Variants in VTI1A observed in about 807,000 individuals in gnomAD.
The protein encoded by VTI1A is vesicle transport through interaction with t-SNAREs 1A.
Under a neutral mutation model 34.9 loss-of-function variants are expected in VTI1A, and 22 were observed. The observed-to-expected ratio is 0.63, with a 90% confidence interval of 0.45 to 0.90. The LOEUF (loss-of-function observed/expected upper bound fraction) is 0.90, where lower values mean the gene tolerates loss of function less well. VTI1A is among the 40% of genes least tolerant of loss of function. VTI1A has a pLI of 0.00. For missense variants in VTI1A, 268 were observed against 275.6 expected, an observed-to-expected ratio of 0.97 and a Z score of 0.20; for synonymous variants, 87 against 97.3, an observed-to-expected ratio of 0.89 and a Z score of 0.62.
At chr10:112,734,985 A>G (rs933220547) in intron 7 of VTI1A, among the ~76,000 whole-genome samples, 2 of 152,200 alleles carry the variant, frequency 1.3e-5, no homozygotes, top group African/African-American at 2.4e-5. Flanking sequence ...AGAAAAAACC[A>G]TGGGCCTACA....
intron 7 of VTI1A, among the ~76,000 whole-genome samples, chr10:112,814,918 T>C (rs1853456337): frequency 6.6e-6 from 1 of 152,138 alleles, no homozygotes; most frequent in Non-Finnish European, 1.5e-5. Flanking sequence ...CTGCAAAAAA[T>C]GAGGCTTGTC....
In VTI1A at chr10:112,771,242, A is replaced by G. The variant is rs543616175; in HGVS notation, c.561-44048A>G. On this transcript the variant is annotated intron_variant, in intron 7 of 7. Transcript: ENST00000393077. Reference sequence around the variant, plus strand: ...AAAAGTCGTATCTACCTCAGAGAGCAGTTGGAAGAACTAAATGAGATCATT... The same window carrying G: ...AAAAGTCGTATCTACCTCAGAGAGCGGTTGGAAGAACTAAATGAGATCATT... Among the ~76,000 whole-genome samples the G allele has an allele frequency of 1.1e-4, 16 of 152,370 alleles. No individual in the cohort carries two copies. The South Asian group carries it at 1.7e-3, about 16-fold the overall frequency.
At chr10:112,595,548 G>A (rs938089739) in intron 5 of VTI1A, among the ~76,000 whole-genome samples, 1 of 152,138 alleles carries the variant, frequency 6.6e-6, no homozygotes, top group African/African-American at 2.4e-5. Flanking sequence ...GCAGCCAAAA[G>A]ACACATGAAA....
Position 112,460,525 on chromosome 10 carries a change from T to C in VTI1A, c.96T>C (p.Asp32=). 6.2e-7 allele frequency: 1 copy of C among 1,606,536 alleles called. No homozygotes were observed. The highest frequency in any genetic ancestry group is 2.2e-5 in the East Asian group (1 of 44,548). ...TCTTGGTATTATTGTTTGTTTCAGATGAAAAGAAACAGATGGTTGCAAATG... is the reference window on the plus strand; with the variant it reads ...TCTTGGTATTATTGTTTGTTTCAGACGAAAAGAAACAGATGGTTGCAAATG... ...KIARVPRLPP[D]EKKQMVANVE... The change falls in exon 2 of 8, where the codon GAT becomes GAC. Residue 32 remains aspartate (D), a splice_region_variant and synonymous_variant. Transcript: ENST00000393077.
chr10:112,542,299 C>A (rs1311106028), intron 5 of VTI1A, among the ~76,000 whole-genome samples: 1 of 152,126 alleles, frequency 6.6e-6, no homozygotes, highest in Non-Finnish European at 1.5e-5. Flanking sequence ...ACTGTCCCAC[C>A]GGTACTGTAG....
At chr10:112,673,702 G>A (rs1448126781) in intron 7 of VTI1A, among the ~76,000 whole-genome samples, 2 of 152,130 alleles carry the variant, frequency 1.3e-5, no homozygotes, top group East Asian at 1.9e-4. Context: ...AGTTAGCCTG[G>A]GGAATCATTG....
At chr10:112,698,303 C>T (rs928278719) in intron 7 of VTI1A, among the ~76,000 whole-genome samples, 7 of 152,148 alleles carry the variant, frequency 4.6e-5, no homozygotes, top group Non-Finnish European at 7.4e-5. Context: ...CTGCATCTTC[C>T]GAACACTGCA....
the VTI1A span, among the ~76,000 whole-genome samples, chr10:112,836,767 A>C: frequency 6.6e-6 from 1 of 152,122 alleles, no homozygotes; most frequent in Non-Finnish European, 1.5e-5. Flanking sequence ...GGGGGTATGG[A>C]ATCCGTGGTT....
At chr10:112,721,419 A>G (rs1374990673) in intron 7 of VTI1A, among the ~76,000 whole-genome samples, 2 of 152,256 alleles carry the variant, frequency 1.3e-5, no homozygotes, top group Non-Finnish European at 2.9e-5. Context: ...TAAGGCACCA[A>G]TAACAGAACA....
chr10:112,492,611 C>A (rs1406713758), intron 3 of VTI1A, among the ~76,000 whole-genome samples: 2 of 151,966 alleles, frequency 1.3e-5, no homozygotes, highest in Non-Finnish European at 2.9e-5. Context: ...CATGGTGAGA[C>A]CCTGTCTCTA....
intron 7 of VTI1A, among the ~76,000 whole-genome samples, chr10:112,709,681 G>GC (rs1253610103): frequency 4.2e-5 from 5 of 119,920 alleles, no homozygotes; most frequent in African/African-American, 1.9e-4. Context: ...ACTCTATGTG[G>GC]CTTTTTTTTT....
chr10:112,531,117 G>GCA (rs1850423233), intron 4 of VTI1A, among the ~76,000 whole-genome samples: 4 of 146,914 alleles, frequency 2.7e-5, no homozygotes, highest in Non-Finnish European at 6.0e-5. Flanking sequence ...GCGCACGTGC[G>GCA]CGCGCGCGCA....
chr10:112,697,587 G>A (rs1028780246), intron 7 of VTI1A, among the ~76,000 whole-genome samples: 1 of 151,634 alleles, frequency 6.6e-6, no homozygotes, highest in Non-Finnish European at 1.5e-5. Flanking sequence ...GTAGAGACAG[G>A]GTTTCTCCAT....
chr10:112,596,015 A>T (rs1164199802), intron 5 of VTI1A, among the ~76,000 whole-genome samples: 1 of 152,122 alleles, frequency 6.6e-6, no homozygotes, highest in African/African-American at 2.4e-5. Flanking sequence ...CTTTGTAGGG[A>T]CATGGATGAA....
rs7072233 is a variant in VTI1A, at chr10:112,590,037, G to A, written c.427+51707G>A. Among the ~76,000 whole-genome samples the A allele has an allele frequency of 1.3e-3, 193 of 152,174 alleles. 1 individual carries two copies. Among genetic ancestry groups the A allele is most frequent in the African/African-American group, 4.3e-3 (178 of 41,508 alleles). On this transcript the variant is annotated intron_variant, in intron 5 of 7. Coordinates refer to ENST00000393077, the MANE Select transcript of VTI1A (RefSeq NM_145206.4). ...GGTGCTATTTAAGTGCAGATTTCTC[G>A]TTTTCATGACACAATATTTTTGTAC... is the stretch of plus-strand genomic sequence containing the variant.
chr10:112,698,397 G>C (rs1203849564), intron 7 of VTI1A, among the ~76,000 whole-genome samples: 2 of 152,090 alleles, frequency 1.3e-5, no homozygotes, highest in Non-Finnish European at 2.9e-5. Context: ...CCCAGTTTTT[G>C]CTTACACTAG....
downstream of VTI1A, among the ~76,000 whole-genome samples, chr10:112,821,841 C>T (rs749208333): frequency 2.0e-5 from 3 of 152,150 alleles, no homozygotes; most frequent in Non-Finnish European, 4.4e-5. Flanking sequence ...ACCAGACTGT[C>T]CCTCCCCGTG....
the VTI1A span, chr10:112,827,791 G>A: frequency 6.6e-6 from 1 of 152,098 alleles, no homozygotes; most frequent in Non-Finnish European, 1.5e-5. Flanking sequence ...TCTAATTGAA[G>A]GTTAGTTCAA....
intron 7 of VTI1A, among the ~76,000 whole-genome samples, chr10:112,747,497 A>G (rs1850938882): frequency 6.6e-6 from 1 of 152,234 alleles, no homozygotes; most frequent in African/African-American, 2.4e-5. Flanking sequence ...GTGTATATAA[A>G]CATAGAAAAG....
Sources: allele counts gnomAD v4.1 joint callset (sites outside exome capture counted in the v4.1 genomes callset), GRCh38; gene constraint gnomAD v4.1.1; transcripts MANE v1.5; gene names NCBI Gene and HGNC (gene_info 2026-07-23, HGNC 2026-07-21).